The following GSAP variants were observed in gnomAD, a reference collection of about 807,000 sequenced individuals.
The protein encoded by GSAP is gamma-secretase activating protein.
In GSAP, 118 loss-of-function variants were observed where a neutral mutation model predicts 131.7. The observed-to-expected ratio is 0.90, with a 90% CI of 0.77 to 1.04. GSAP has a LOEUF of 1.04. GSAP is among the 50% of genes least tolerant of loss of function. The pLI is 0.00. For synonymous variants in GSAP, 381 were observed against 363.4 expected (o/e 1.05, Z -0.55); for missense variants, 1,019 against 1,013.2 (o/e 1.01, Z -0.08).
intron 12 of GSAP, among the ~76,000 whole-genome samples, chr7:77,363,040 A>G (rs1794772720): frequency 6.6e-6 from 1 of 152,220 alleles, no homozygotes; most frequent in Non-Finnish European, 1.5e-5. Context: ...TGTGAACACC[A>G]GTTTATCAAA....
At chr7:77,315,291 C>T (rs1584201948) in intron 26 of GSAP, 1 of 152,226 alleles carries the variant, frequency 6.6e-6, no homozygotes, top group African/African-American at 2.4e-5. Flanking sequence ...CAGAATCCAG[C>T]TGTATTACTC....
intron 1 of GSAP, among the ~76,000 whole-genome samples, chr7:77,413,920 G>T (rs1354000621): frequency 4.7e-5 from 7 of 149,392 alleles, no homozygotes; most frequent in Admixed American, 4.7e-4. Context: ...TAGTTGTTTT[G>T]ATTTTTAACA....
chr7:77,391,019 C>T (rs1386518720), intron 5 of GSAP, among the ~76,000 whole-genome samples: 4 of 128,058 alleles, frequency 3.1e-5, no homozygotes, highest in South Asian at 2.5e-4. Flanking sequence ...TGTAGCTACT[C>T]GGGAGGCTGA....
chr7:77,332,157 T>G (rs966379484), intron 19 of GSAP, among the ~76,000 whole-genome samples: 32 of 152,182 alleles, frequency 2.1e-4, no homozygotes, highest in African/African-American at 7.5e-4. Context: ...GAAACTCAGA[T>G]GCCCTCTAAC....
At chr7:77,355,474 C>T in intron 15 of GSAP, 44 bp from the exon 16 acceptor site, 1 of 1,502,412 alleles carries the variant, frequency 6.7e-7, no homozygotes. Flanking sequence ...ATAGAAGAAA[C>T]TCCTTTCACC....
chr7:77,360,324 C>T (rs755384876), intron 14 of GSAP, among the ~76,000 whole-genome samples: 1 of 152,172 alleles, frequency 6.6e-6, no homozygotes, highest in Non-Finnish European at 1.5e-5. Flanking sequence ...TCATTATACT[C>T]AGGTTCCCTT....
intron 1 of GSAP, among the ~76,000 whole-genome samples, chr7:77,409,316 T>TTAA (rs1191589390): frequency 6.6e-6 from 1 of 152,100 alleles, no homozygotes; most frequent in East Asian, 1.9e-4. Flanking sequence ...ACCCTGTCTC[T>TTAA]TAATAATAAT....
intron 8 of GSAP, among the ~76,000 whole-genome samples, chr7:77,377,842 A>C (rs558927546): frequency 6.6e-6 from 1 of 152,188 alleles, no homozygotes; most frequent in African/African-American, 2.4e-5. Context: ...AATGACCCCA[A>C]TTTGGCCATA....
chr7:77,310,857 T>A lies in GSAP; in HGVS notation c.*501A>T, dbSNP rs1424216285. ...CTGAATTCACAAAGACAAACCCTGC[T>A]GCAAATACTAAGTACAAATTATTCT... On this transcript the variant is annotated 3_prime_UTR_variant, in exon 31 of 31. Transcript: ENST00000257626. 1 of 152,270 alleles carries A rather than the reference T, an allele frequency of 6.6e-6. No homozygotes were observed. The highest frequency in any genetic ancestry group is 1.5e-5 in the Non-Finnish European group (1 of 68,080). 9.4% of individuals were successfully genotyped at this position (152,270 alleles called of 1,614,324 possible). A position where few individuals can be genotyped will look rare whatever the true frequency, so the allele number is the denominator to read the frequency against.
intron 19 of GSAP, among the ~76,000 whole-genome samples, chr7:77,338,265 T>A (rs192979839): frequency 6.6e-6 from 1 of 152,296 alleles, no homozygotes; most frequent in African/African-American, 2.4e-5. Flanking sequence ...AATCCACAGT[T>A]TACAAAGGGA....
intron 19 of GSAP, among the ~76,000 whole-genome samples, chr7:77,333,033 C>T (rs946646864): frequency 2.0e-5 from 3 of 151,930 alleles, no homozygotes; most frequent in Non-Finnish European, 2.9e-5. Context: ...TGGGCGTGGT[C>T]GCATGCACCT....
At position 77,377,302 on chromosome 7, in the gene GSAP, T is replaced by C. The variant is rs1252659123; in HGVS notation, c.665A>G (p.Tyr222Cys). ...TTTTTTTACCTTCAGGTCAATGTAATATAATCTCTGTTCTGACATATCCCA... is the reference window on the plus strand; with the variant it reads ...TTTTTTTACCTTCAGGTCAATGTAACATAATCTCTGTTCTGACATATCCCA... Reference protein sequence around the residue: ...AQWDMSEQRLYYIDLKKSRSI... With the variant: ...AQWDMSEQRLCYIDLKKSRSI... Residue 222 changes from tyrosine (Y) to cysteine (C), a missense_variant, in exon 9 of 31, where the codon TAT (tyrosine) becomes TGT (cysteine). By Grantham distance (194) the Tyr-to-Cys change is radical. Transcript: ENST00000257626. 3.9e-6 allele frequency: 6 copies of C among 1,519,194 alleles called. No individual in the cohort carries two copies. Among genetic ancestry groups the C allele is most frequent in the Non-Finnish European group, 4.4e-6 (5 of 1,138,554 alleles). 94.1% of individuals were successfully genotyped at this position (1,519,194 alleles called of 1,614,324 possible).
intron 19 of GSAP, among the ~76,000 whole-genome samples, chr7:77,335,101 A>G (rs1789782395): frequency 6.6e-6 from 1 of 151,044 alleles, no homozygotes; most frequent in South Asian, 2.1e-4. Context: ...AAAAAAAGAA[A>G]AAAAGAAACA....
Position 77,329,365 on chromosome 7 carries a change from T to G in GSAP, c.1701A>C (p.Ala567=), listed in dbSNP as rs1159273276. Residue 567 remains alanine (A), a synonymous_variant, in exon 21 of 31, where the codon GCA becomes GCC. Transcript: ENST00000257626. ...EEKTGKRRSA[A]YVRNILDNAV... ...CATTATCAAGAATATTCCTCACGTA[T>G]GCCGCAGACCTTCTTTTTCCTGTTT... 6.3e-7 allele frequency: 1 copy of G among 1,587,604 alleles called. No individual in the cohort carries two copies. The highest frequency in any genetic ancestry group is 2.3e-5 in the East Asian group (1 of 44,002).
intron 26 of GSAP, among the ~76,000 whole-genome samples, chr7:77,319,358 C>T (rs1363608265): frequency 6.6e-6 from 1 of 152,176 alleles, no homozygotes; most frequent in Admixed American, 6.5e-5. Flanking sequence ...TATCACCTCA[C>T]ATCTCTCAGG....
At chr7:77,390,952 A>T (rs1162850504) in intron 5 of GSAP, among the ~76,000 whole-genome samples, 2 of 90,016 alleles carry the variant, frequency 2.2e-5, no homozygotes, top group African/African-American at 4.4e-5. Flanking sequence ...CGTCTAAAAA[A>T]AAAAAAAAAA....
intron 5 of GSAP, among the ~76,000 whole-genome samples, chr7:77,396,678 C>T (rs1325189304): frequency 6.6e-6 from 1 of 151,750 alleles, no homozygotes; most frequent in East Asian, 1.9e-4. Context: ...CTTGACTTTC[C>T]CTATCTTTTA....
At chr7:77,363,338 T>G (rs1453744780) in intron 12 of GSAP, among the ~76,000 whole-genome samples, 1 of 152,228 alleles carries the variant, frequency 6.6e-6, no homozygotes, top group Non-Finnish European at 1.5e-5. Context: ...TAGCAGCTGC[T>G]GCTGTATGGA....
intron 19 of GSAP, among the ~76,000 whole-genome samples, chr7:77,336,454 C>G (rs2150726762): frequency 6.6e-6 from 1 of 152,132 alleles, no homozygotes; most frequent in East Asian, 1.9e-4. Context: ...ACAGAAACAA[C>G]AGGAATGATA....
Sources: allele counts gnomAD v4.1 joint callset (sites outside exome capture counted in the v4.1 genomes callset), GRCh38; gene constraint gnomAD v4.1.1; transcripts MANE v1.5; gene names NCBI Gene and HGNC (gene_info 2026-07-23, HGNC 2026-07-21).